The following PLCB1 variants were observed in gnomAD, a reference collection of about 807,000 sequenced individuals.
PLCB1 encodes the protein phospholipase C beta 1, also known as 1-phosphatidylinositol 4,5-bisphosphate phosphodiesterase beta-1.
In PLCB1, 46 loss-of-function variants were observed where a neutral mutation model predicts 161.8. That is an observed-to-expected ratio of 0.28 (90% CI 0.22 to 0.36). The LOEUF (loss-of-function observed/expected upper bound fraction) is 0.36. Ranked by LOEUF, PLCB1 falls within the 10% of genes least tolerant of loss-of-function variation. The pLI is 1.00. For missense variants in PLCB1, 1,016 were observed against 1,472.5 expected (o/e 0.69, Z 5.07); for synonymous variants, 517 against 503.7 (o/e 1.03, Z -0.35).
intron 2 of PLCB1, among the ~76,000 whole-genome samples, chr20:8,306,859 T>TGCC (rs1458532509): frequency 6.6e-6 from 1 of 152,242 alleles, no homozygotes; most frequent in Non-Finnish European, 1.5e-5. Context: ...GAGCTGCTGC[T>TGCC]GCCATTTACA....
intron 3 of PLCB1, among the ~76,000 whole-genome samples, chr20:8,451,287 G>T (rs1313684461): frequency 6.6e-6 from 1 of 152,158 alleles, no homozygotes; most frequent in East Asian, 1.9e-4. Flanking sequence ...TTTGCATTTG[G>T]ATAAAAATGG....
chr20:8,508,592 C>T (rs1254176168), intron 3 of PLCB1, among the ~76,000 whole-genome samples: 1 of 152,120 alleles, frequency 6.6e-6, no homozygotes, highest in Non-Finnish European at 1.5e-5. Context: ...AACCTTTGAC[C>T]AAATGAGTGA....
chr20:8,482,779 G>C (rs1982559957), intron 3 of PLCB1, among the ~76,000 whole-genome samples: 1 of 152,172 alleles, frequency 6.6e-6, no homozygotes, highest in Admixed American at 6.5e-5. Context: ...GAGACTGTGT[G>C]TAATAAAGTA....
At chr20:8,676,258 G>A (rs1334035567) in intron 9 of PLCB1, among the ~76,000 whole-genome samples, 1 of 152,210 alleles carries the variant, frequency 6.6e-6, no homozygotes, top group African/African-American at 2.4e-5. Flanking sequence ...CTACTCAGGA[G>A]GCTGAGGCAG....
At chr20:8,391,934 T>A (rs1032633765) in intron 3 of PLCB1, among the ~76,000 whole-genome samples, 1 of 151,196 alleles carries the variant, frequency 6.6e-6, no homozygotes, top group Non-Finnish European at 1.5e-5. Flanking sequence ...AATACTGGGA[T>A]GTAATTTAAC....
At chr20:8,692,318 A>T (rs1333740780) in intron 10 of PLCB1, among the ~76,000 whole-genome samples, 1 of 151,972 alleles carries the variant, frequency 6.6e-6, no homozygotes, top group Non-Finnish European at 1.5e-5. Context: ...TCTCTTTCCC[A>T]TCTCTCCCAC....
chr20:8,722,839 T>TA lies in PLCB1; in HGVS notation c.1581+425dup, dbSNP rs370311022. On this transcript the variant is annotated intron_variant, in intron 15 of 31. Coordinates refer to ENST00000338037, the MANE Select transcript of PLCB1 (RefSeq NM_015192.4). ...GCAACAGAGAGAGACCTCACGCCTT[T>TA]AAAAAAACAAGTTAAAATGAAAGAT... is the stretch of plus-strand genomic sequence containing the variant. 1.5e-4 allele frequency among the ~76,000 whole-genome samples: 23 copies of TA among 152,094 alleles called. 2 individuals are homozygous for TA. In the East Asian group the frequency reaches 3.7e-3, roughly 24 times the overall value.
chr20:8,639,236 T>C (rs1198321397), intron 4 of PLCB1, among the ~76,000 whole-genome samples: 1 of 152,230 alleles, frequency 6.6e-6, no homozygotes, highest in East Asian at 1.9e-4. Context: ...AATGAGGTCA[T>C]GCTTCTGGAG....
At chr20:8,826,791 A>G (rs1985728621) in intron 31 of PLCB1, among the ~76,000 whole-genome samples, 1 of 152,188 alleles carries the variant, frequency 6.6e-6, no homozygotes, top group Non-Finnish European at 1.5e-5. Flanking sequence ...TAATCGCATC[A>G]TTTTATAATG....
intron 9 of PLCB1, among the ~76,000 whole-genome samples, chr20:8,681,086 G>GTA (rs202198416): frequency 0.05 from 3,662 of 73,712 alleles, 116 homozygotes; most frequent in Middle Eastern, 0.077. Context: ...ATGTGTGTGT[G>GTA]TATATATATA....
chr20:8,744,596 C>A (rs1981053110), intron 23 of PLCB1, among the ~76,000 whole-genome samples: 1 of 56,262 alleles, frequency 1.8e-5, no homozygotes, highest in African/African-American at 1.1e-4. Flanking sequence ...CCACAGAGAC[C>A]ATGTCTCTTA....
At chr20:8,233,408 G>T (rs1414846042) in intron 2 of PLCB1, among the ~76,000 whole-genome samples, 1 of 152,128 alleles carries the variant, frequency 6.6e-6, no homozygotes, top group Non-Finnish European at 1.5e-5. Context: ...CAAGGTGCTT[G>T]TAATTTCTAT....
intron 15 of PLCB1, 43 bp downstream of exon 15, chr20:8,722,464 C>CAGGAGAGTACAGGGTGG: frequency 5.7e-6 from 8 of 1,408,468 alleles, no homozygotes; most frequent in Non-Finnish European, 6.9e-6. Context: ...TTCCACCACC[C>CAGGAGAGTACAGGGTGG]TGTACTCTCC....
At chr20:8,278,278 AAT>A (rs980162928) in intron 2 of PLCB1, among the ~76,000 whole-genome samples, 90 of 147,032 alleles carry the variant, frequency 6.1e-4, no homozygotes, top group Non-Finnish European at 1.2e-3. Context: ...ATATTATATA[AAT>A]ATATATTTAT....
chr20:8,851,017 G>A lies in PLCB1; in HGVS notation c.3424-30605G>A, dbSNP rs1986867734. On this transcript the variant is annotated intron_variant, in intron 31 of 31. Coordinates refer to ENST00000338037, the MANE Select transcript of PLCB1 (RefSeq NM_015192.4). ...ACATTGTTATAATGTTTTTTTCTTA[G>A]TGTTCTTTCATCTTCTTGTTGAACA... Among the ~76,000 whole-genome samples, 4 of 152,222 alleles carry A rather than the reference G, an allele frequency of 2.6e-5. No individual in the cohort carries two copies. In the South Asian group the frequency reaches 8.3e-4, roughly 32 times the overall value.
chr20:8,465,478 A>G (rs562848057), intron 3 of PLCB1, among the ~76,000 whole-genome samples: 11 of 152,256 alleles, frequency 7.2e-5, no homozygotes, highest in African/African-American at 2.6e-4. Context: ...CAATTGTATA[A>G]GGGATCTCTA....
At chr20:8,870,199 C>T (rs966732538) in intron 31 of PLCB1, among the ~76,000 whole-genome samples, 3 of 152,148 alleles carry the variant, frequency 2.0e-5, no homozygotes, top group African/African-American at 7.2e-5. Flanking sequence ...TGACGAGGTC[C>T]TGGTCCTGGT....
intron 2 of PLCB1, among the ~76,000 whole-genome samples, chr20:8,296,843 C>A (rs1983652486): frequency 6.6e-6 from 1 of 152,100 alleles, no homozygotes; most frequent in East Asian, 1.9e-4. Context: ...ATCGTTGTAG[C>A]TTCATGCAGA....
At chr20:8,866,496 A>G (rs7272486) in intron 31 of PLCB1, among the ~76,000 whole-genome samples, 44,075 of 152,168 alleles carry the variant, frequency 0.29, 6,609 homozygotes, top group Middle Eastern at 0.41. Context: ...ATCGACCTGC[A>G]TGGTGTTTTG....
Sources: allele counts gnomAD v4.1 joint callset (sites outside exome capture counted in the v4.1 genomes callset), GRCh38; gene constraint gnomAD v4.1.1; transcripts MANE v1.5; gene names NCBI Gene and HGNC (gene_info 2026-07-23, HGNC 2026-07-21).